GDNF: variants seen among roughly 807,000 people sequenced by gnomAD.
GDNF encodes the protein glial cell line-derived neurotrophic factor.
GDNF carries 5 observed loss-of-function variants against 13.7 expected under a neutral mutation model. The observed-to-expected ratio is 0.36, with a 90% CI of 0.19 to 0.77. The LOEUF is 0.77. Among genes scored for constraint, GDNF ranks in the 30% least tolerant of loss-of-function variants. GDNF has a pLI of 0.51. For missense variants in GDNF, 246 were observed against 274.3 expected, an observed-to-expected ratio of 0.90 and a Z score of 0.73; for synonymous variants, 122 against 112.5, an observed-to-expected ratio of 1.08 and a Z score of -0.53.
intron 2 of GDNF, among the ~76,000 whole-genome samples, chr5:37,829,669 A>G (rs1461197814): frequency 2.0e-5 from 3 of 152,234 alleles, no homozygotes; most frequent in African/African-American, 7.2e-5. Flanking sequence ...AAGATCAAAG[A>G]GATATTAGGA....
At chr5:37,835,070 C>T (rs1327889591) in intron 1 of GDNF, among the ~76,000 whole-genome samples, 8 of 152,134 alleles carry the variant, frequency 5.3e-5, no homozygotes, top group Non-Finnish European at 1.2e-4. Flanking sequence ...ACCACACGGT[C>T]TTAGGGGTCA....
chr5:37,822,921 C>T (rs1750192084), intron 2 of GDNF, among the ~76,000 whole-genome samples: 1 of 152,192 alleles, frequency 6.6e-6, no homozygotes, highest in African/African-American at 2.4e-5. Flanking sequence ...TTTTCTTTCA[C>T]TAATATTGGA....
In GDNF at chr5:37,837,749, C is replaced by T. The variant is rs1175763606; in HGVS notation, c.-27+1758G>A. Among the ~76,000 whole-genome samples the T allele has an allele frequency of 6.6e-6, 1 of 152,204 alleles. No individual in the cohort carries two copies. Among genetic ancestry groups the T allele is most frequent in the Non-Finnish European group, 1.5e-5 (1 of 68,038 alleles). On this transcript the variant is annotated intron_variant, in intron 1 of 2. Coordinates refer to ENST00000326524, the MANE Select transcript of GDNF (RefSeq NM_000514.4). This position sits in a 1 kb window ranked among gnomAD's most constrained non-coding sequence, Gnocchi z 6.5. The stretch of plus-strand genomic sequence containing the variant: ...TCAGGCTCCCACCCCTCCATTCTCG[C>T]TGGTTTTCCTCTCCCCACTTCACCT...
At chr5:37,828,611 G>A (rs1265653315) in intron 2 of GDNF, among the ~76,000 whole-genome samples, 2 of 152,140 alleles carry the variant, frequency 1.3e-5, no homozygotes, top group Non-Finnish European at 2.9e-5. Flanking sequence ...TTGGCTTTCG[G>A]ACCAACATGC....
intron 2 of GDNF, among the ~76,000 whole-genome samples, chr5:37,831,622 C>G (rs960652128): frequency 2.6e-5 from 4 of 152,180 alleles, no homozygotes; most frequent in African/African-American, 7.2e-5. Flanking sequence ...GGGGGAAACT[C>G]TGGTCCCAGC....
In GDNF at chr5:37,816,034, C is replaced by T; in HGVS notation, c.253G>A (p.Val85Met). The change falls in exon 3 of 3, where the codon GTG (valine) becomes ATG (methionine). Residue 85 changes from valine to methionine, a missense_variant. Val to Met is a conservative substitution (Grantham distance 21). Transcript: ENST00000326524. Reference sequence around the variant, plus strand: ...CGATTCCGCTCTCTTCTAGGAAGCACTGCCATTTGTTTATCTGGTGACCTT... The same window carrying T: ...CGATTCCGCTCTCTTCTAGGAAGCATTGCCATTTGTTTATCTGGTGACCTT... ...LKRSPDKQMAVLPRRERNRQA... is the reference protein window; with the variant it reads ...LKRSPDKQMAMLPRRERNRQA... 2 of 1,613,542 alleles carry T rather than the reference C, an allele frequency of 1.2e-6. No individual in the cohort carries two copies. The highest frequency in any genetic ancestry group is 1.7e-6 in the Non-Finnish European group (2 of 1,179,528).
At chr5:37,835,599 C>G (rs111865265) in intron 1 of GDNF, 7 of 1,532,824 alleles carry the variant, frequency 4.6e-6, no homozygotes, top group Non-Finnish European at 6.2e-6. Flanking sequence ...CAAGCTCTAG[C>G]GGAACATGTA....
At position 37,834,817 on chromosome 5, in the gene GDNF, C is replaced by T. The variant is rs756913784; in HGVS notation, c.-21G>A. On this transcript the variant is annotated 5_prime_UTR_variant, in exon 2 of 3. Transcript: ENST00000326524. ...TTCATCTTAAAGTCCCGTCCGGCGG[C>T]GGCACCTGCGCGGGCAGGCGGGAGG... is the stretch of plus-strand genomic sequence containing the variant. 12 of 1,612,174 alleles carry T rather than the reference C, an allele frequency of 7.4e-6. No individual in the cohort carries two copies. The East Asian group carries it at 2.7e-4, about 36-fold the overall frequency.
At position 37,837,283 on chromosome 5, in the gene GDNF, A is replaced by G. The variant is rs950400681; in HGVS notation, c.-27+2224T>C. Among the ~76,000 whole-genome samples the G allele has an allele frequency of 6.6e-6, 1 of 152,136 alleles. No homozygotes were observed. Among genetic ancestry groups the G allele is most frequent in the Non-Finnish European group, 1.5e-5 (1 of 68,008 alleles). On this transcript the variant is annotated intron_variant, in intron 1 of 2. Coordinates refer to ENST00000326524, the MANE Select transcript of GDNF (RefSeq NM_000514.4). This position sits in a 1 kb window ranked among gnomAD's most constrained non-coding sequence, Gnocchi z 6.5. ...AACCATGGGCCTTTGCCCGCGGTGC[A>G]AACTGCTTTACGCGCCGCCACGTGC...
intron 2 of GDNF, among the ~76,000 whole-genome samples, chr5:37,831,050 T>C (rs559613022): frequency 1.1e-4 from 16 of 152,340 alleles, no homozygotes; most frequent in African/African-American, 3.4e-4. Flanking sequence ...GAAAACTTGA[T>C]AGCTTAATTT....
chr5:37,833,511 A>G (rs1403041983), intron 2 of GDNF, among the ~76,000 whole-genome samples: 1 of 152,200 alleles, frequency 6.6e-6, no homozygotes, highest in Non-Finnish European at 1.5e-5. Flanking sequence ...TTTTGTTGCT[A>G]TAATTAAGCA....
chr5:37,834,555 G>A, intron 2 of GDNF, 91 bp downstream of exon 2: 1 of 1,183,588 alleles, frequency 8.4e-7, no homozygotes, highest in Non-Finnish European at 1.1e-6. Flanking sequence ...ACAGCCATCA[G>A]GCTGGCTTGG....
rs1332265106 is a variant in GDNF, at chr5:37,837,123, G to A, written c.-26-2301C>T. Among the ~76,000 whole-genome samples the A allele has an allele frequency of 6.6e-6, 1 of 152,208 alleles. No individual in the cohort carries two copies. The highest frequency in any genetic ancestry group is 1.5e-5 in the Non-Finnish European group (1 of 68,034). ...TGGGCGGGGGAAAAGGGGGGAGGTT[G>A]GGGGACTCGGCACACACAGCGTCTA... On this transcript the variant is annotated intron_variant, in intron 1 of 2. Coordinates refer to ENST00000326524, the MANE Select transcript of GDNF (RefSeq NM_000514.4). The surrounding 1 kb of genome is among the most constrained non-coding windows in gnomAD (Gnocchi z 6.5).
intron 2 of GDNF, among the ~76,000 whole-genome samples, chr5:37,827,784 A>C (rs1417833016): frequency 1.3e-5 from 2 of 152,240 alleles, no homozygotes; most frequent in African/African-American, 4.8e-5. Context: ...GAACTAAATA[A>C]ACTACATAGG....
Position 37,814,417 on chromosome 5 carries a change from T to C in GDNF, c.*1234A>G, listed in dbSNP as rs1175387277. On this transcript the variant is annotated 3_prime_UTR_variant, in exon 3 of 3. Transcript: ENST00000326524. ...TCCAGGAAAGGGGGCTTGCCTGAGA[T>C]GCTCCACAAATAAAAATTGGGAAAA... 6.6e-6 allele frequency: 1 copy of C among 152,258 alleles called. No homozygotes were observed. Among genetic ancestry groups the C allele is most frequent in the Non-Finnish European group, 1.5e-5 (1 of 68,034 alleles). The allele number at this position is 152,258 out of a possible 1,614,324, so 9.4% of individuals were successfully genotyped here. A position where few individuals can be genotyped will look rare whatever the true frequency, so the allele number is the denominator to read the frequency against.
intron 2 of GDNF, among the ~76,000 whole-genome samples, chr5:37,825,959 G>A (rs867683735): frequency 3.9e-5 from 6 of 152,158 alleles, no homozygotes; most frequent in Non-Finnish European, 7.4e-5. Context: ...AATGAGATAC[G>A]GTTATCATTC....
intron 2 of GDNF, among the ~76,000 whole-genome samples, chr5:37,817,843 G>A (rs1165928495): frequency 1.3e-5 from 2 of 152,016 alleles, no homozygotes; most frequent in Admixed American, 6.6e-5. Context: ...ACCCACCTTC[G>A]ATCTATTTTC....
chr5:37,816,662 C>T (rs913527554), intron 2 of GDNF, among the ~76,000 whole-genome samples: 8 of 152,190 alleles, frequency 5.3e-5, no homozygotes, highest in Non-Finnish European at 7.3e-5. Flanking sequence ...AAGATCCACA[C>T]ACCAAAGATC....
Position 37,815,766 on chromosome 5 carries a change from A to G in GDNF, c.521T>C (p.Val174Ala). ...SRNRRLVSDK[V>A]GQACCRPIAF... is the part of the protein sequence containing the mutation. ...GATGGGTCTGCAACATGCCTGCCCTACTTTGTCACTCACCAGCCTTCTATT... is the reference window on the plus strand; with the variant it reads ...GATGGGTCTGCAACATGCCTGCCCTGCTTTGTCACTCACCAGCCTTCTATT... Residue 174 changes from valine to alanine, a missense_variant, in exon 3 of 3, where the codon GTA (valine) becomes GCA (alanine). Coordinates refer to ENST00000326524, the MANE Select transcript of GDNF (RefSeq NM_000514.4). The surrounding 1 kb of genome is among the most constrained non-coding windows in gnomAD (Gnocchi z 5.0). 1.2e-6 allele frequency: 2 copies of G among 1,614,136 alleles called. No individual in the cohort carries two copies. The highest frequency in any genetic ancestry group is 1.7e-6 in the Non-Finnish European group (2 of 1,180,018).
Sources: allele counts gnomAD v4.1 joint callset (sites outside exome capture counted in the v4.1 genomes callset), GRCh38; gene constraint gnomAD v4.1.1; non-coding constraint Gnocchi (gnomAD v3.1); transcripts MANE v1.5; gene names NCBI Gene and HGNC (gene_info 2026-07-23, HGNC 2026-07-21).